TET2: variants seen among roughly 807,000 people sequenced by gnomAD.
The protein encoded by TET2 is methylcytosine dioxygenase TET2.
In TET2, 299 loss-of-function variants were observed where a neutral mutation model predicts 142.9. The ratio of observed to expected loss-of-function variants is 2.09; its 90% CI spans 1.90 to 2.30. The LOEUF (loss-of-function observed/expected upper bound fraction) is 2.30, where lower values mean the gene tolerates loss of function less well. TET2 is among the 30% of genes most tolerant of loss of function. TET2 has a pLI of 0.00. For missense variants in TET2, 2,418 were observed against 2,378.0 expected (o/e 1.02, Z -0.35); for synonymous variants, 819 against 849.0 (o/e 0.96, Z 0.61).
chr4:105,183,666 C>T (rs888043341), intron 1 of TET2, among the ~76,000 whole-genome samples: 1 of 152,116 alleles, frequency 6.6e-6, no homozygotes, highest in African/African-American at 2.4e-5. Flanking sequence ...ACAGCCTACC[C>T]CCTTAGTTTG....
At chr4:105,191,907 G>T (rs1400105693) in intron 2 of TET2, among the ~76,000 whole-genome samples, 32 of 152,064 alleles carry the variant, frequency 2.1e-4, no homozygotes, top group Non-Finnish European at 1.5e-5. Context: ...AGTAATCATT[G>T]TCACTGAAAA....
At chr4:105,224,035 C>A (rs1354665717) in intron 2 of TET2, among the ~76,000 whole-genome samples, 2 of 151,526 alleles carry the variant, frequency 1.3e-5, no homozygotes, top group Non-Finnish European at 1.5e-5. Flanking sequence ...TAATTTACTA[C>A]CTTATAGTAT....
At chr4:105,248,349 T>C (rs1201571789) in intron 6 of TET2, among the ~76,000 whole-genome samples, 1 of 152,246 alleles carries the variant, frequency 6.6e-6, no homozygotes, top group African/African-American at 2.4e-5. Flanking sequence ...TGCTATTTTT[T>C]CTATGCTGTA....
intron 2 of TET2, among the ~76,000 whole-genome samples, chr4:105,200,634 TTTTG>T (rs540243881): frequency 1.2e-4 from 18 of 149,496 alleles, no homozygotes; most frequent in Non-Finnish European, 2.1e-4. Flanking sequence ...CACTGTTTTT[TTTTG>T]TTTGTTTTGT....
intron 2 of TET2, among the ~76,000 whole-genome samples, chr4:105,199,989 G>A (rs1474904390): frequency 6.6e-6 from 1 of 151,962 alleles, no homozygotes. Context: ...TTGTGAATAG[G>A]ACTGCAGTGA....
intron 1 of TET2, among the ~76,000 whole-genome samples, chr4:105,185,727 C>T (rs1725395002): frequency 6.6e-6 from 1 of 152,024 alleles, no homozygotes; most frequent in South Asian, 2.1e-4. Context: ...TGCAGTGAGC[C>T]AAGATCGCAC....
At chr4:105,227,649 CTGA>C (rs1233409280) in intron 2 of TET2, among the ~76,000 whole-genome samples, 1 of 152,050 alleles carries the variant, frequency 6.6e-6, no homozygotes, top group African/African-American at 2.4e-5. Flanking sequence ...CAAAATATTT[CTGA>C]TGAGTCATTT....
intron 3 of TET2, chr4:105,240,437 A>G (rs969553364): frequency 9.3e-7 from 1 of 1,074,862 alleles, no homozygotes; most frequent in African/African-American, 1.6e-5. Context: ...GAAGATCTTA[A>G]TTATAGCTAT....
At chr4:105,184,597 T>C (rs1725315552) in intron 1 of TET2, among the ~76,000 whole-genome samples, 1 of 152,228 alleles carries the variant, frequency 6.6e-6, no homozygotes, top group Non-Finnish European at 1.5e-5. Flanking sequence ...CTTAAAACTT[T>C]GACTACTGTA....
At chr4:105,160,982 G>A (rs539259523) in intron 1 of TET2, among the ~76,000 whole-genome samples, 2 of 152,224 alleles carry the variant, frequency 1.3e-5, no homozygotes, top group South Asian at 4.2e-4. Context: ...TACCATCTTG[G>A]TCAGGCTGGT....
At chr4:105,223,642 A>G (rs1727993190) in intron 2 of TET2, among the ~76,000 whole-genome samples, 1 of 152,228 alleles carries the variant, frequency 6.6e-6, no homozygotes, top group South Asian at 2.1e-4. Flanking sequence ...AAATAAGTGT[A>G]TAATTGACAC....
chr4:105,203,402 A>C (rs1726592455), intron 2 of TET2, among the ~76,000 whole-genome samples: 1 of 152,184 alleles, frequency 6.6e-6, no homozygotes, highest in Admixed American at 6.5e-5. Flanking sequence ...TCTTTTTTAA[A>C]AATGTTCTAA....
At chr4:105,254,063 G>T (rs1392234814) in intron 6 of TET2, among the ~76,000 whole-genome samples, 2 of 152,108 alleles carry the variant, frequency 1.3e-5, no homozygotes, top group African/African-American at 4.8e-5. Flanking sequence ...TCATGGTCAT[G>T]GTTGCTATTA....
rs1560544979 is a variant in TET2, at chr4:105,236,083, C to G, written c.2141C>G (p.Ser714Ter). 6.2e-7 allele frequency: 1 copy of G among 1,614,156 alleles called. No homozygotes were observed. The highest frequency in any genetic ancestry group is 8.5e-7 in the Non-Finnish European group (1 of 1,180,012). Residue 714 changes from serine to a stop codon, truncating the protein, a stop_gained, in exon 3 of 11, where the codon TCA becomes TGA. Transcript: ENST00000380013. LOFTEE classifies it high-confidence loss of function. ...CAGGCTTCAGAGACTGAGCCATTTT[C>G]AAACTCACACCTTTTGCAACATAAG... is the stretch of plus-strand genomic sequence containing the variant. ...NQQASETEPF[S>*]NSHLLQHKPH...
At chr4:105,198,133 T>G (rs1726199202) in intron 2 of TET2, among the ~76,000 whole-genome samples, 1 of 152,096 alleles carries the variant, frequency 6.6e-6, no homozygotes, top group South Asian at 2.1e-4. Flanking sequence ...GGTCAAGAGT[T>G]TGAGACCAGC....
chr4:105,245,536 A>G (rs977481407), intron 6 of TET2, among the ~76,000 whole-genome samples: 4 of 151,862 alleles, frequency 2.6e-5, no homozygotes, highest in Non-Finnish European at 5.9e-5. Context: ...CTCCATGTTG[A>G]TCAGGCTGGT....
At chr4:105,269,507 C>T (rs751474306) in intron 8 of TET2, 103 bp from the exon 9 acceptor site, 16 of 1,263,008 alleles carry the variant, frequency 1.3e-5, no homozygotes, top group Admixed American at 2.6e-5. Flanking sequence ...TATTTAAGTT[C>T]AAAACATTTT....
chr4:105,215,252 A>G (rs999531817), intron 2 of TET2, among the ~76,000 whole-genome samples: 1 of 152,184 alleles, frequency 6.6e-6, no homozygotes, highest in African/African-American at 2.4e-5. Flanking sequence ...AGAAAATGCT[A>G]CATGAGACCT....
chr4:105,242,099 G>A (rs956187920), intron 4 of TET2: 2 of 1,197,098 alleles, frequency 1.7e-6, no homozygotes, highest in Non-Finnish European at 2.1e-6. Context: ...TCATTAAGAG[G>A]TAGGCAGTAT....
Sources: allele counts gnomAD v4.1 joint callset (sites outside exome capture counted in the v4.1 genomes callset), GRCh38; gene constraint gnomAD v4.1.1; transcripts MANE v1.5; gene names NCBI Gene and HGNC (gene_info 2026-07-23, HGNC 2026-07-21).